The following GATAD2A variants were observed in gnomAD, a reference collection of about 807,000 sequenced individuals.
GATAD2A encodes the protein transcriptional repressor p66-alpha.
Under a neutral mutation model 68.5 loss-of-function variants are expected in GATAD2A, and 12 were observed. The observed-to-expected ratio is 0.18, with a 90% CI of 0.11 to 0.28. The LOEUF (loss-of-function observed/expected upper bound fraction) is 0.28, where lower values mean the gene tolerates loss of function less well. Among genes scored for constraint, GATAD2A ranks in the 10% least tolerant of loss-of-function variants. The pLI, the probability that GATAD2A is intolerant of heterozygous loss-of-function variation, is 1.00. For missense variants in GATAD2A, 755 were observed against 868.5 expected, an observed-to-expected ratio of 0.87 and a Z score of 1.64; for synonymous variants, 410 against 375.3, an observed-to-expected ratio of 1.09 and a Z score of -1.07.
Position 19,494,313 on chromosome 19 carries a change from G to A in GATAD2A, c.554G>A (p.Ser185Asn). 1.9e-6 allele frequency: 3 copies of A among 1,611,590 alleles called. No individual in the cohort carries two copies. Among genetic ancestry groups the A allele is most frequent in the Non-Finnish European group, 2.5e-6 (3 of 1,177,916 alleles). ...TAQKPTGSVG[S>N]TVTTPPPLVR... ...TTGCAGCCCACAGGTTCTGTTGGGA[G>A]CACCGTGACCACCCCTCCCCCGCTT... The change falls in exon 5 of 12, where the codon AGC becomes AAC. Residue 185 changes from serine to asparagine, a missense_variant. Coordinates refer to ENST00000683918, the MANE Select transcript of GATAD2A (RefSeq NM_001384528.1).
intron 1 of GATAD2A, among the ~76,000 whole-genome samples, chr19:19,419,189 C>A (rs2052026818): frequency 1.3e-5 from 2 of 152,248 alleles, no homozygotes; most frequent in African/African-American, 4.8e-5. Context: ...TGTCGAGGGA[C>A]CCTGGCTTGC....
chr19:19,495,537 G>C (rs944737849), intron 5 of GATAD2A, among the ~76,000 whole-genome samples: 1 of 149,292 alleles, frequency 6.7e-6, no homozygotes, highest in African/African-American at 2.5e-5. Context: ...TCAAACTTCT[G>C]ACCTCATGAT....
chr19:19,496,262 AC>A, intron 7 of GATAD2A, 43 bp downstream of exon 7: 1 of 1,553,574 alleles, frequency 6.4e-7, no homozygotes, highest in Non-Finnish European at 8.9e-7. Context: ...TGTGTGTCCC[AC>A]CTGTGACTGC....
intron 1 of GATAD2A, chr19:19,435,291 T>G (rs1032824812): frequency 9.0e-6 from 3 of 331,648 alleles, no homozygotes; most frequent in African/African-American, 6.5e-5. Flanking sequence ...GTGTGGGATC[T>G]TGGCTCACTG....
chr19:19,390,268 T>G (rs1044543172), intron 1 of GATAD2A, among the ~76,000 whole-genome samples: 4 of 152,092 alleles, frequency 2.6e-5, no homozygotes, highest in Non-Finnish European at 5.9e-5. Flanking sequence ...AGTTGCTTAC[T>G]GATGATGGGA....
At chr19:19,417,538 C>T (rs577337811) in intron 1 of GATAD2A, among the ~76,000 whole-genome samples, 1 of 152,188 alleles carries the variant, frequency 6.6e-6, no homozygotes, top group South Asian at 2.1e-4. Flanking sequence ...GTTGGCCATT[C>T]ACCCTCCTGG....
chr19:19,492,843 C>T (rs879155620), intron 4 of GATAD2A, 131 bp downstream of exon 4: 14 of 788,920 alleles, frequency 1.8e-5, no homozygotes, highest in Admixed American at 5.3e-5. Flanking sequence ...GTCCCACTCC[C>T]GCATTTGTGG....
At chr19:19,480,174 A>G (rs2058959376) in intron 2 of GATAD2A, among the ~76,000 whole-genome samples, 1 of 152,116 alleles carries the variant, frequency 6.6e-6, no homozygotes, top group African/African-American at 2.4e-5. Context: ...TGCATAAATT[A>G]TTTGGGATTC....
At chr19:19,470,731 C>T (rs1030076899) in intron 2 of GATAD2A, among the ~76,000 whole-genome samples, 3 of 151,274 alleles carry the variant, frequency 2.0e-5, no homozygotes, top group Admixed American at 2.0e-4. Flanking sequence ...TAAAACAAGG[C>T]TCCAGTATAG....
At chr19:19,481,705 A>C (rs1030068610) in intron 2 of GATAD2A, among the ~76,000 whole-genome samples, 1 of 152,194 alleles carries the variant, frequency 6.6e-6, no homozygotes, top group Non-Finnish European at 1.5e-5. Context: ...CGAGGGCCAC[A>C]TCTGTGTCCT....
intron 2 of GATAD2A, among the ~76,000 whole-genome samples, chr19:19,491,440 G>A (rs1236584815): frequency 6.6e-6 from 1 of 152,214 alleles, no homozygotes; most frequent in African/African-American, 2.4e-5. Context: ...AGAAAAAGGT[G>A]TGGGGGCTGG....
At chr19:19,490,858 C>G (rs1389045599) in intron 2 of GATAD2A, among the ~76,000 whole-genome samples, 1 of 152,150 alleles carries the variant, frequency 6.6e-6, no homozygotes, top group Non-Finnish European at 1.5e-5. Context: ...GCACTCCAGC[C>G]TGGGCGACAG....
intron 1 of GATAD2A, 99 bp from the exon 2 acceptor site, chr19:19,465,241 T>C (rs2057777430): frequency 6.8e-6 from 6 of 888,528 alleles, no homozygotes; most frequent in Non-Finnish European, 1.1e-5. Context: ...ATCCTTCCCA[T>C]AGGGAGGAAA....
chr19:19,490,761 C>T (rs2059740383), intron 2 of GATAD2A, among the ~76,000 whole-genome samples: 1 of 152,148 alleles, frequency 6.6e-6, no homozygotes, highest in South Asian at 2.1e-4. Context: ...TGGTGCATGC[C>T]TGTAATCCAG....
intron 1 of GATAD2A, among the ~76,000 whole-genome samples, chr19:19,462,041 T>C (rs1317176421): frequency 6.6e-6 from 1 of 152,238 alleles, no homozygotes; most frequent in East Asian, 1.9e-4. Context: ...ACTGGGAATT[T>C]TGAAATGAAT....
chr19:19,440,011 A>G (rs1397501072), intron 1 of GATAD2A: 3 of 181,614 alleles, frequency 1.7e-5, no homozygotes, highest in African/African-American at 2.4e-5. Flanking sequence ...AAAGCTGGGA[A>G]TGACTTAGAT....
chr19:19,473,610 C>T (rs944211981), intron 2 of GATAD2A, among the ~76,000 whole-genome samples: 2 of 151,992 alleles, frequency 1.3e-5, no homozygotes, highest in Admixed American at 6.6e-5. Context: ...CAGGTTAGGC[C>T]ACCCACCACG....
chr19:19,461,087 A>G (rs999488704), intron 1 of GATAD2A, among the ~76,000 whole-genome samples: 9 of 152,162 alleles, frequency 5.9e-5, no homozygotes, highest in Non-Finnish European at 1.2e-4. Flanking sequence ...TCCCCAGCCC[A>G]CAGTGGAGGC....
intron 2 of GATAD2A, among the ~76,000 whole-genome samples, chr19:19,482,543 A>G (rs768161873): frequency 1.3e-5 from 2 of 152,142 alleles, no homozygotes; most frequent in African/African-American, 2.4e-5. Flanking sequence ...CAGGTGCTGT[A>G]GGAGCCCAGG....
Sources: allele counts gnomAD v4.1 joint callset (sites outside exome capture counted in the v4.1 genomes callset), GRCh38; gene constraint gnomAD v4.1.1; transcripts MANE v1.5; gene names NCBI Gene and HGNC (gene_info 2026-07-23, HGNC 2026-07-21).